Variants in GOLT1A observed in about 807,000 individuals in gnomAD.
GOLT1A encodes golgi transport 1A, also known as vesicle transport protein GOT1A.
GOLT1A carries 10 observed loss-of-function variants against 16.1 expected under a neutral mutation model. That is an observed-to-expected ratio of 0.62 (90% CI 0.38 to 1.05). GOLT1A has a LOEUF of 1.05. Ranked by LOEUF, GOLT1A falls within the 50% of genes least tolerant of loss-of-function variation. The pLI, the probability that GOLT1A is intolerant of heterozygous loss-of-function variation, is 0.01. For synonymous variants in GOLT1A, 60 were observed against 67.9 expected (o/e 0.88, Z 0.57); for missense variants, 137 against 165.7 (o/e 0.83, Z 0.95).
Position 204,201,665 on chromosome 1 carries a change from G to T in GOLT1A, c.264C>A (p.Phe88Leu). Residue 88 changes from phenylalanine to leucine, a missense_variant, in exon 3 of 5, where the codon TTC becomes TTA. Physicochemically the swap from Phe to Leu is conservative, Grantham distance 22. Coordinates refer to ENST00000308302, the MANE Select transcript of GOLT1A (RefSeq NM_198447.2). ...GGCTGAAGAATCCGTAGGTTTCCAG[G>T]AACATGCCGAGGAGGGGCCAGCGTA... ...VLLRWPLLGM[F>L]LETYGFFSLF... The T allele has an allele frequency of 6.2e-7, 1 of 1,614,092 alleles. No homozygotes were observed.
At chr1:204,205,614 T>C (rs904431715) in intron 1 of GOLT1A, among the ~76,000 whole-genome samples, 2 of 152,256 alleles carry the variant, frequency 1.3e-5, no homozygotes, top group Non-Finnish European at 1.5e-5. Flanking sequence ...AGACTAGATT[T>C]ACTGGCTGAG....
intron 1 of GOLT1A, among the ~76,000 whole-genome samples, chr1:204,211,447 G>T (rs1057406956): frequency 1.3e-5 from 2 of 152,124 alleles, no homozygotes; most frequent in South Asian, 4.2e-4. Context: ...CAGTTTCCTG[G>T]TCTGCAACAC....
At chr1:204,212,291 C>T (rs955246850) in intron 1 of GOLT1A, among the ~76,000 whole-genome samples, 4 of 152,204 alleles carry the variant, frequency 2.6e-5, no homozygotes, top group Non-Finnish European at 5.9e-5. Flanking sequence ...ATGGACCACG[C>T]CCCGCTAATC....
intron 2 of GOLT1A, 56 bp from the exon 3 acceptor site, chr1:204,201,867 G>C: frequency 6.5e-6 from 10 of 1,538,396 alleles, no homozygotes; most frequent in Non-Finnish European, 8.0e-6. Flanking sequence ...GAGGAGTGAG[G>C]GACTTAGGCC....
intron 1 of GOLT1A, among the ~76,000 whole-genome samples, chr1:204,211,378 A>G (rs1400064295): frequency 6.6e-6 from 1 of 152,092 alleles, no homozygotes; most frequent in African/African-American, 2.4e-5. Context: ...CCATGCTCCA[A>G]CCACACTGTT....
At chr1:204,203,789 C>T (rs1481154388) in intron 1 of GOLT1A, among the ~76,000 whole-genome samples, 2 of 151,598 alleles carry the variant, frequency 1.3e-5, no homozygotes, top group Non-Finnish European at 2.9e-5. Context: ...AATGAGCCCC[C>T]ATTCCCAAGG....
chr1:204,212,017 A>T (rs1308133869), intron 1 of GOLT1A, among the ~76,000 whole-genome samples: 18 of 152,050 alleles, frequency 1.2e-4, no homozygotes, highest in Admixed American at 1.2e-3. Flanking sequence ...TATGCAGATT[A>T]TTCCCACATT....
intron 1 of GOLT1A, among the ~76,000 whole-genome samples, chr1:204,211,325 C>T (rs1262518126): frequency 1.3e-5 from 2 of 152,212 alleles, no homozygotes; most frequent in East Asian, 1.9e-4. Flanking sequence ...GGGGCCCAGG[C>T]CTGCCTGCCC....
intron 1 of GOLT1A, among the ~76,000 whole-genome samples, chr1:204,208,476 G>GTATATATATATATATAT (rs1553234656): frequency 2.5e-5 from 1 of 39,938 alleles, no homozygotes; most frequent in African/African-American, 7.9e-5. Context: ...GTGTGTGTGT[G>GTATATATATATATATAT]TATATATATA....
chr1:204,198,897 TAG>T (rs1658906330), intron 4 of GOLT1A: 1 of 501,068 alleles, frequency 2.0e-6, no homozygotes, highest in Non-Finnish European at 3.6e-6. Context: ...CTGAGTCACC[TAG>T]AGTCTCTGCG....
At position 204,199,176 on chromosome 1, in the gene GOLT1A, G is replaced by T. The variant is rs1443938482; in HGVS notation, c.360+19C>A. On this transcript the variant is annotated intron_variant, in intron 4 of 4. Transcript: ENST00000308302. Reference sequence around the variant, plus strand: ...CTCCCCAGGGTACGCCCGCAGGGCTGCAGGCATCATCTGCTTACCGCACCC... The same window carrying T: ...CTCCCCAGGGTACGCCCGCAGGGCTTCAGGCATCATCTGCTTACCGCACCC... The T allele has an allele frequency of 1.3e-6, 2 of 1,578,898 alleles. No individual in the cohort carries two copies. Among genetic ancestry groups the T allele is most frequent in the South Asian group, 1.2e-5 (1 of 85,936 alleles).
At chr1:204,207,297 C>A (rs1464284972) in intron 1 of GOLT1A, among the ~76,000 whole-genome samples, 1 of 152,212 alleles carries the variant, frequency 6.6e-6, no homozygotes, top group Non-Finnish European at 1.5e-5. Flanking sequence ...CACGCCTACA[C>A]CCAGCCGAAA....
intron 2 of GOLT1A, among the ~76,000 whole-genome samples, chr1:204,202,655 C>T (rs1034583764): frequency 2.0e-5 from 3 of 152,122 alleles, no homozygotes; most frequent in Non-Finnish European, 4.4e-5. Context: ...GTGTGAGAAT[C>T]CAGGTCCTCA....
intron 4 of GOLT1A, 35 bp downstream of exon 4, chr1:204,199,160 G>T (rs1189352870): frequency 1.3e-6 from 2 of 1,544,106 alleles, no homozygotes; most frequent in East Asian, 4.6e-5. Context: ...ACTCCCCAGG[G>T]TACGCCCGCA....
intron 2 of GOLT1A, among the ~76,000 whole-genome samples, 155 bp from the exon 3 acceptor site, chr1:204,201,966 A>G (rs1489098118): frequency 6.6e-6 from 1 of 152,082 alleles, no homozygotes; most frequent in Non-Finnish European, 1.5e-5. Context: ...AGAATCCCAG[A>G]GCCTTGATAA....
intron 3 of GOLT1A, among the ~76,000 whole-genome samples, chr1:204,200,698 C>T (rs1265358964): frequency 6.6e-6 from 1 of 152,128 alleles, no homozygotes; most frequent in African/African-American, 2.4e-5. Flanking sequence ...AGCCACACTT[C>T]CCAAAGTCTC....
rs80046452 is a variant in GOLT1A at position 204,199,141 on chromosome 1, C to T, written c.360+54G>A. 1.4e-3 allele frequency: 1,983 copies of T among 1,456,356 alleles called. 22 individuals carry two copies. The African/African-American group carries it at 0.024, about 18-fold the overall frequency. 90.2% of individuals were successfully genotyped at this position (1,456,356 alleles called of 1,614,324 possible). A position where few individuals can be genotyped will look rare whatever the true frequency, so the allele number is the denominator to read the frequency against. Reference sequence around the variant, plus strand: ...AGTTTTACCAGCTCCCCTCCGTGTGCTCCCCCTCACTCCCCAGGGTACGCC... The same window carrying T: ...AGTTTTACCAGCTCCCCTCCGTGTGTTCCCCCTCACTCCCCAGGGTACGCC... On this transcript the variant is annotated intron_variant, in intron 4 of 4. Transcript: ENST00000308302.
At chr1:204,208,476 G>GTGTGTATATATATATATATATATATA (rs1286299770) in intron 1 of GOLT1A, among the ~76,000 whole-genome samples, 2 of 39,938 alleles carry the variant, frequency 5.0e-5, no homozygotes, top group African/African-American at 7.9e-5. Flanking sequence ...GTGTGTGTGT[G>GTGTGTATATATATATATATATATATA]TATATATATA....
At chr1:204,211,324 G>A (rs1659134034) in intron 1 of GOLT1A, among the ~76,000 whole-genome samples, 1 of 151,972 alleles carries the variant, frequency 6.6e-6, no homozygotes, top group African/African-American at 2.4e-5. Context: ...TGGGGCCCAG[G>A]CCTGCCTGCC....
Sources: gnomAD v4.1 joint callset for allele counts (sites outside exome capture counted in the v4.1 genomes callset) on GRCh38, gnomAD v4.1.1 for gene constraint, MANE v1.5 for transcripts, NCBI Gene and HGNC (gene_info 2026-07-23, HGNC 2026-07-21) for gene names.